The following PLET1 variants were observed in gnomAD, a reference collection of about 807,000 sequenced individuals.
The protein encoded by PLET1 is placenta-expressed transcript 1 protein.
A neutral mutation model predicts 18.5 loss-of-function variants in PLET1; 20 were observed. The observed-to-expected ratio is 1.08, with a 90% CI of 0.76 to 1.57. The LOEUF (loss-of-function observed/expected upper bound fraction) is 1.57, where lower values mean the gene tolerates loss of function less well. Among genes scored for constraint, PLET1 ranks in the 40% most tolerant of loss-of-function variants. PLET1 has a pLI of 0.00. For missense variants in PLET1, 256 were observed against 246.4 expected (o/e 1.04, Z -0.26); for synonymous variants, 93 against 93.8 (o/e 0.99, Z 0.05).
Position 112,248,890 on chromosome 11 carries a change from A to C in PLET1, c.533T>G (p.Leu178Arg). The C allele has an allele frequency of 6.4e-7, 1 of 1,551,584 alleles. No individual in the cohort carries two copies. The highest frequency in any genetic ancestry group is 8.7e-7 in the Non-Finnish European group (1 of 1,146,960). Residue 178 changes from leucine (L) to arginine (R), a missense_variant, in exon 4 of 4, where the codon CTC (leucine) becomes CGC (arginine). Coordinates refer to ENST00000338832, the MANE Select transcript of PLET1 (RefSeq NM_001145024.1). ...FFMITPKSIR[L>R]EGLANQVFSS... ...GAAGACTTGGTTGGCCAAGCCTTCGAGTCTGATACTCTTGGGTGTAATCAT... is the reference window on the plus strand; with the variant it reads ...GAAGACTTGGTTGGCCAAGCCTTCGCGTCTGATACTCTTGGGTGTAATCAT...
chr11:112,257,608 A>T (rs923382749), intron 1 of PLET1, among the ~76,000 whole-genome samples: 1 of 151,518 alleles, frequency 6.6e-6, no homozygotes, highest in Admixed American at 6.6e-5. Flanking sequence ...TGCCCATAGA[A>T]GTTTTTTTTT....
chr11:112,255,534 C>G lies in PLET1; in HGVS notation c.240G>C (p.Glu80Asp). ...GCCAGAGGCCCGCTGAGTCACTGTT[C>G]TCGTCCAAGGTTTTCATGACCACAG... Reference protein sequence around the residue: ...VYAVVMKTLDENSDSAGLWQR... With the variant: ...VYAVVMKTLDDNSDSAGLWQR... The change falls in exon 2 of 4, where the codon GAG becomes GAC. Residue 80 changes from glutamate to aspartate, a missense_variant. Coordinates refer to ENST00000338832, the MANE Select transcript of PLET1 (RefSeq NM_001145024.1). The G allele has an allele frequency of 6.4e-7, 1 of 1,551,612 alleles. No homozygotes were observed. The highest frequency in any genetic ancestry group is 8.7e-7 in the Non-Finnish European group (1 of 1,146,844).
Position 112,255,545 on chromosome 11 carries a change from T to C in PLET1, c.229A>G (p.Thr77Ala). ...NDSVYAVVMK[T>A]LDENSDSAGL... is the part of the protein sequence containing the mutation. ...GCTGAGTCACTGTTCTCGTCCAAGG[T>C]TTTCATGACCACAGCATAGACGCTG... Residue 77 changes from threonine (T) to alanine (A), a missense_variant, in exon 2 of 4, where the codon ACC (threonine) becomes GCC (alanine). Coordinates refer to ENST00000338832, the MANE Select transcript of PLET1 (RefSeq NM_001145024.1). 6.4e-7 allele frequency: 1 copy of C among 1,551,448 alleles called. No homozygotes were observed. Among genetic ancestry groups the C allele is most frequent in the East Asian group, 2.4e-5 (1 of 40,922 alleles).
chr11:112,256,615 AAAGAG>A (rs1860227236), intron 1 of PLET1, among the ~76,000 whole-genome samples: 1 of 152,214 alleles, frequency 6.6e-6, no homozygotes, highest in Non-Finnish European at 1.5e-5. Context: ...CCCGGAGAAT[AAAGAG>A]AAGAATGTGA....
rs531014117 is a variant in PLET1, at chr11:112,260,446, C to T, written c.144G>A (p.Lys48=). Reference sequence around the variant, plus strand: ...TGCTTTCGTAGATATGTGAACTGGCCTTGATGTCTAGGGTTATGGTGTAGT... The same window carrying T: ...TGCTTTCGTAGATATGTGAACTGGCTTTGATGTCTAGGGTTATGGTGTAGT... The part of the protein sequence containing the change: ...DEYYTITLDI[K]ASSHIYESNA... The change falls in exon 1 of 4, where the codon AAG becomes AAA. Residue 48 remains lysine, a synonymous_variant. Transcript: ENST00000338832. 1.4e-5 allele frequency: 21 copies of T among 1,551,700 alleles called. No homozygotes were observed. Among genetic ancestry groups the T allele is most frequent in the Non-Finnish European group, 1.7e-5 (20 of 1,146,998 alleles).
intron 3 of PLET1, among the ~76,000 whole-genome samples, chr11:112,249,905 G>A (rs1164279727): frequency 2.0e-5 from 3 of 150,394 alleles, no homozygotes; most frequent in Middle Eastern, 3.2e-3. Context: ...TGCAGTGAAC[G>A]GAGGTTGCGC....
intron 2 of PLET1, among the ~76,000 whole-genome samples, chr11:112,254,526 A>T (rs111211404): frequency 1.2e-5 from 1 of 85,572 alleles, no homozygotes; most frequent in Non-Finnish European, 2.3e-5. Context: ...TGTGGTATGT[A>T]TGTGTGTGGT....
chr11:112,252,655 A>G (rs1045532613), intron 2 of PLET1, among the ~76,000 whole-genome samples: 19 of 152,108 alleles, frequency 1.2e-4, no homozygotes, highest in Admixed American at 1.3e-4. Flanking sequence ...GACTGCCCAC[A>G]GGCTGGTACA....
At chr11:112,251,884 G>C (rs1433121839) in intron 3 of PLET1, among the ~76,000 whole-genome samples, 1 of 152,204 alleles carries the variant, frequency 6.6e-6, no homozygotes, top group Admixed American at 6.5e-5. Context: ...AAGAACTAAA[G>C]ACATTGCTAT....
intron 1 of PLET1, 67 bp from the exon 2 acceptor site, chr11:112,255,656 G>T: frequency 7.3e-7 from 1 of 1,364,372 alleles, no homozygotes; most frequent in Non-Finnish European, 1.0e-6. Flanking sequence ...AGGGATGAGG[G>T]CAGTGAAATC....
intron 2 of PLET1, among the ~76,000 whole-genome samples, chr11:112,254,269 G>T (rs1481151365): frequency 6.9e-6 from 1 of 145,510 alleles, no homozygotes; most frequent in Non-Finnish European, 1.5e-5. Context: ...TGTGGTGTCT[G>T]TAAGGTGTGT....
chr11:112,248,668 C>T lies in PLET1; in HGVS notation c.*131G>A. 3 of 1,062,116 alleles carry T rather than the reference C, an allele frequency of 2.8e-6. No individual in the cohort carries two copies. Among genetic ancestry groups the T allele is most frequent in the Non-Finnish European group, 4.0e-6 (3 of 744,802 alleles). The allele number at this position is 1,062,116 out of a possible 1,614,324, so 65.8% of individuals were successfully genotyped here. On this transcript the variant is annotated 3_prime_UTR_variant, in exon 4 of 4. Coordinates refer to ENST00000338832, the MANE Select transcript of PLET1 (RefSeq NM_001145024.1). ...TCCAGATCTTTGTTTTGGTCTGAAGCCGTGGCAGCAAAGTTGCACATTTGA... is the reference window on the plus strand; with the variant it reads ...TCCAGATCTTTGTTTTGGTCTGAAGTCGTGGCAGCAAAGTTGCACATTTGA...
intron 2 of PLET1, 54 bp downstream of exon 2, chr11:112,255,334 A>G: frequency 6.6e-7 from 1 of 1,511,328 alleles, no homozygotes; most frequent in Non-Finnish European, 9.0e-7. Flanking sequence ...GTAAAACTGC[A>G]TAAACCCAAT....
Position 112,260,838 on chromosome 11 carries a change from G to T in PLET1, c.-249C>A. 2.1e-6 allele frequency: 1 copy of T among 479,602 alleles called. No individual in the cohort carries two copies. The highest frequency in any genetic ancestry group is 3.7e-6 in the Non-Finnish European group (1 of 270,512). The allele number at this position is 479,602 out of a possible 1,614,324, so 29.7% of individuals were successfully genotyped here. On this transcript the variant is annotated 5_prime_UTR_variant, in exon 1 of 4. Transcript: ENST00000338832. ...TCAAGAAAGGGAATGTCCTGAATAT[G>T]GTTTTCTTTTACGCCTGTCATTTCA...
intron 3 of PLET1, among the ~76,000 whole-genome samples, chr11:112,250,508 C>T (rs2135416043): frequency 6.6e-6 from 1 of 152,254 alleles, no homozygotes; most frequent in African/African-American, 2.4e-5. Flanking sequence ...GACTTACACA[C>T]TAAAATGTCA....
chr11:112,260,084 A>G (rs1399615287), intron 1 of PLET1, among the ~76,000 whole-genome samples: 1 of 152,162 alleles, frequency 6.6e-6, no homozygotes, highest in East Asian at 1.9e-4. Flanking sequence ...CTGGAATGCA[A>G]TGATTATCCC....
In PLET1 at chr11:112,248,450, G is replaced by A; in HGVS notation, c.*349C>T. The A allele has an allele frequency of 7.4e-6, 3 of 405,384 alleles. No individual in the cohort carries two copies. The allele number at this position is 405,384 out of a possible 1,614,324, so 25.1% of individuals were successfully genotyped here. On this transcript the variant is annotated 3_prime_UTR_variant, in exon 4 of 4. Coordinates refer to ENST00000338832, the MANE Select transcript of PLET1 (RefSeq NM_001145024.1). The stretch of plus-strand genomic sequence containing the variant: ...AGGATTCTTCCCACAGAAACTCAGA[G>A]GTTGCAGGGGAATCATTTGGCAGTG...
At chr11:112,254,752 G>A (rs1191844725) in intron 2 of PLET1, among the ~76,000 whole-genome samples, 2 of 98,276 alleles carry the variant, frequency 2.0e-5, no homozygotes, top group Non-Finnish European at 3.9e-5. Context: ...TGCTGTGTGT[G>A]TGGTGTGTGT....
chr11:112,251,782 G>T (rs900835097), intron 3 of PLET1, among the ~76,000 whole-genome samples: 1 of 151,766 alleles, frequency 6.6e-6, no homozygotes, highest in Middle Eastern at 3.2e-3. Context: ...GAAGATGGGC[G>T]AGGAACCTCA....
Sources: gnomAD v4.1 joint callset for allele counts (sites outside exome capture counted in the v4.1 genomes callset) on GRCh38, gnomAD v4.1.1 for gene constraint, MANE v1.5 for transcripts, NCBI Gene and HGNC (gene_info 2026-07-23, HGNC 2026-07-21) for gene names.